The following FLT3 variants were observed in gnomAD, a reference collection of about 807,000 sequenced individuals.
The protein encoded by FLT3 is receptor-type tyrosine-protein kinase FLT3.
In FLT3, 46 loss-of-function variants were observed where a neutral mutation model predicts 126.6. That is an observed-to-expected ratio of 0.36 (90% CI 0.29 to 0.46). The LOEUF is 0.46. Ranked by LOEUF, FLT3 falls within the 20% of genes least tolerant of loss-of-function variation. FLT3 has a pLI of 1.00. For synonymous variants in FLT3, 404 were observed against 434.4 expected (o/e 0.93, Z 0.87); for missense variants, 1,069 against 1,190.3 (o/e 0.90, Z 1.50).
At chr13:28,025,368 C>T (rs773134567) in intron 17 of FLT3, 4 of 453,096 alleles carry the variant, frequency 8.8e-6, no homozygotes, top group Non-Finnish European at 1.8e-5. Context: ...AAGCGTTTCA[C>T]CATCCTTCTT....
chr13:28,073,351 G>GA, intron 1 of FLT3: 3 of 215,726 alleles, frequency 1.4e-5, no homozygotes, highest in African/African-American at 3.9e-5. Flanking sequence ...CCTCATCTCT[G>GA]GAAAAAAAAA....
intron 1 of FLT3, among the ~76,000 whole-genome samples, chr13:28,087,390 T>C (rs543382509): frequency 3.3e-4 from 51 of 152,338 alleles, no homozygotes; most frequent in African/African-American, 1.2e-3. Context: ...TTGACTTACA[T>C]AGTTCATGAC....
At position 28,033,983 on chromosome 13, in the gene FLT3, G is replaced by A. The variant is rs1051926385; in HGVS notation, c.1846C>T (p.Leu616=). 3.1e-6 allele frequency: 5 copies of A among 1,613,926 alleles called. No individual in the cohort carries two copies. In the African/African-American group the frequency reaches 5.3e-5, roughly 17 times the overall value. The change falls in exon 15 of 24, where the codon CTA becomes TTA. Residue 616 remains leucine (L), a synonymous_variant. Transcript: ENST00000241453. ...PRENLEFGKV[L]GSGAFGKVMN... ...ACTTTTCCAAAAGCACCTGATCCTA[G>A]TACCTTCCCTGCAAAGACAAATGGT...
chr13:28,096,586 G>T (rs759723495), intron 1 of FLT3, among the ~76,000 whole-genome samples: 1 of 151,950 alleles, frequency 6.6e-6, no homozygotes, highest in Non-Finnish European at 1.5e-5. Flanking sequence ...ACAAGCGTCT[G>T]CCACCACGCC....
At position 28,025,391 on chromosome 13, in the gene FLT3, C is replaced by A. The variant is rs571858474; in HGVS notation, c.2208-448G>T. Reference sequence around the variant, plus strand: ...CACCATCCTTCTTTTTTCCAGTTTGCCTTTGTAAAGCTCATTTCTTTTTAC... The same window carrying A: ...CACCATCCTTCTTTTTTCCAGTTTGACTTTGTAAAGCTCATTTCTTTTTAC... On this transcript the variant is annotated intron_variant, in intron 17 of 23. Coordinates refer to ENST00000241453, the MANE Select transcript of FLT3 (RefSeq NM_004119.3). 1.1e-3 allele frequency: 517 copies of A among 454,522 alleles called. 1 individual carries two copies. Among genetic ancestry groups the A allele is most frequent in the Non-Finnish European group, 1.8e-3 (413 of 226,908 alleles). The allele number at this position is 454,522 out of a possible 1,614,324, so 28.2% of individuals were successfully genotyped here.
At chr13:28,068,514 A>C (rs1877227600) in intron 2 of FLT3, among the ~76,000 whole-genome samples, 1 of 151,412 alleles carries the variant, frequency 6.6e-6, no homozygotes, top group African/African-American at 2.4e-5. Context: ...TACAAAAAAA[A>C]AATCTATGAT....
intron 5 of FLT3, 114 bp downstream of exon 5, chr13:28,052,431 G>T (rs541253636): frequency 3.5e-6 from 4 of 1,136,538 alleles, no homozygotes; most frequent in South Asian, 3.3e-5. Context: ...AGAAGCCAAA[G>T]TTTCCTGTTT....
In FLT3 at chr13:28,040,520, A is replaced by G. The variant is rs73154811; in HGVS notation, c.1206-3232T>C. Among the ~76,000 whole-genome samples the G allele has an allele frequency of 7.5e-3, 1,088 of 145,852 alleles. 6 individuals carry two copies. The highest frequency in any genetic ancestry group is 0.013 in the Non-Finnish European group (835 of 65,938). On this transcript the variant is annotated intron_variant, in intron 9 of 23. Transcript: ENST00000241453. ...AGTTTGAGACCAGCCTTGGCAATCT[A>G]CTGAGATCCCATCTCTACAAAAAAA...
intron 10 of FLT3, 37 bp from the exon 11 acceptor site, chr13:28,036,080 G>T: frequency 6.5e-7 from 1 of 1,537,312 alleles, no homozygotes; most frequent in Non-Finnish European, 9.0e-7. Context: ...CTCACTGGCT[G>T]GGCATAGTGG....
In FLT3 at chr13:28,070,642, G is replaced by C. The variant is rs374302650; in HGVS notation, c.44-30C>G. On this transcript the variant is annotated intron_variant, in intron 1 of 23. Coordinates refer to ENST00000241453, the MANE Select transcript of FLT3 (RefSeq NM_004119.3). ...AAAACAAAATAAAAATGATAATGTT[G>C]ATACATGCACACCTTAAAAAGAAAA... 6.0e-5 allele frequency: 92 copies of C among 1,541,388 alleles called. No individual in the cohort carries two copies. In the African/African-American group the frequency reaches 8.0e-4, roughly 13 times the overall value.
At chr13:28,023,224 C>T (rs1872545236) in intron 19 of FLT3, 126 bp downstream of exon 19, 1 of 966,902 alleles carries the variant, frequency 1.0e-6, no homozygotes, top group Non-Finnish European at 1.5e-6. Context: ...CTAGGTGACT[C>T]CAACAGTGAA....
intron 15 of FLT3, among the ~76,000 whole-genome samples, chr13:28,028,835 G>A (rs1873058431): frequency 1.4e-5 from 2 of 140,268 alleles, no homozygotes; most frequent in South Asian, 4.4e-4. Flanking sequence ...AGGCTGGAGT[G>A]TAGTGACATG....
chr13:28,089,891 T>C (rs1384693310), intron 1 of FLT3, among the ~76,000 whole-genome samples: 1 of 151,642 alleles, frequency 6.6e-6, no homozygotes, highest in Non-Finnish European at 1.5e-5. Flanking sequence ...CCTGCCACCA[T>C]GCCCGGCTAA....
At chr13:28,082,421 C>A (rs1878386850) in intron 1 of FLT3, among the ~76,000 whole-genome samples, 1 of 152,140 alleles carries the variant, frequency 6.6e-6, no homozygotes, top group African/African-American at 2.4e-5. Context: ...CCTCGTCCTG[C>A]CAAATCACTG....
At chr13:28,030,023 C>T (rs1405674503) in intron 15 of FLT3, among the ~76,000 whole-genome samples, 3 of 152,196 alleles carry the variant, frequency 2.0e-5, no homozygotes. Context: ...CCAGGCACCA[C>T]CCCTCTGTGA....
chr13:28,061,001 T>A (rs534775755), intron 3 of FLT3, among the ~76,000 whole-genome samples: 2 of 152,272 alleles, frequency 1.3e-5, no homozygotes, highest in South Asian at 4.1e-4. Context: ...ACAGTTTCCC[T>A]TATTATTAAC....
At chr13:28,058,157 A>G (rs1282750124) in intron 3 of FLT3, among the ~76,000 whole-genome samples, 1 of 149,240 alleles carries the variant, frequency 6.7e-6, no homozygotes, top group Non-Finnish European at 1.5e-5. Flanking sequence ...CCAGGAGGTC[A>G]AGACCAGCCT....
At chr13:28,008,785 T>C (rs1420509334) in intron 23 of FLT3, among the ~76,000 whole-genome samples, 1 of 152,140 alleles carries the variant, frequency 6.6e-6, no homozygotes, top group African/African-American at 2.4e-5. Flanking sequence ...GGCTGATTTT[T>C]AATTTTGGTA....
chr13:28,091,577 A>G (rs888440846), intron 1 of FLT3, among the ~76,000 whole-genome samples: 3 of 151,936 alleles, frequency 2.0e-5, no homozygotes, highest in Non-Finnish European at 2.9e-5. Context: ...CCAAGGTTTC[A>G]TTCTCTGAAC....
Sources: allele counts gnomAD v4.1 joint callset (sites outside exome capture counted in the v4.1 genomes callset), GRCh38; gene constraint gnomAD v4.1.1; transcripts MANE v1.5; gene names NCBI Gene and HGNC (gene_info 2026-07-23, HGNC 2026-07-21).